The following GRK5 variants were observed in gnomAD, a reference collection of about 807,000 sequenced individuals.
GRK5 encodes G protein-coupled receptor kinase 5, also known as g protein-coupled receptor kinase GRK5.
A neutral mutation model predicts 78.4 loss-of-function variants in GRK5; 40 were observed. That is an observed-to-expected ratio of 0.51 (90% confidence interval 0.40 to 0.66). The LOEUF is 0.66. GRK5 is among the 30% of genes least tolerant of loss of function. The pLI, the probability that GRK5 is intolerant of heterozygous loss-of-function variation, is 0.00. For missense variants in GRK5, 598 were observed against 759.9 expected (o/e 0.79, Z 2.50); for synonymous variants, 289 against 296.8 (o/e 0.97, Z 0.27).
rs781095348 is a variant in GRK5, at chr10:119,207,883, C to CGCCG, written c.-28_-25dup. ...GCAGCACCCCAGGCGCTGACAGCCCCGCCGGCCGGCTCCGTTGCTGACCGC... is the reference window on the plus strand; with the variant it reads ...GCAGCACCCCAGGCGCTGACAGCCCCGCCGGCCGGCCGGCTCCGTTGCTGACCGC... On this transcript the variant is annotated 5_prime_UTR_variant, in exon 1 of 16. Coordinates refer to ENST00000392870, the MANE Select transcript of GRK5 (RefSeq NM_005308.3). 1.9e-6 allele frequency: 3 copies of CGCCG among 1,577,878 alleles called. No individual in the cohort carries two copies. In the South Asian group the frequency reaches 3.5e-5, roughly 18 times the overall value.
chr10:119,406,430 G>A (rs947558000), intron 4 of GRK5: 1 of 984,774 alleles, frequency 1.0e-6, no homozygotes, highest in Non-Finnish European at 1.2e-6. Flanking sequence ...GATCTCCAGG[G>A]CAACCAAGGG....
intron 1 of GRK5, among the ~76,000 whole-genome samples, chr10:119,304,997 C>A (rs982646273): frequency 5.3e-5 from 8 of 151,910 alleles, no homozygotes; most frequent in Admixed American, 6.6e-5. Flanking sequence ...TCTCCCACCC[C>A]CTCCCTTCTC....
At chr10:119,335,195 C>T (rs539056631) in intron 2 of GRK5, among the ~76,000 whole-genome samples, 1 of 120,854 alleles carries the variant, frequency 8.3e-6, no homozygotes, top group Non-Finnish European at 1.6e-5. Context: ...CCTCTCCCCC[C>T]ACCTCCTCTT....
chr10:119,313,448 G>A (rs908996135), intron 1 of GRK5, among the ~76,000 whole-genome samples: 24 of 152,140 alleles, frequency 1.6e-4, no homozygotes, highest in African/African-American at 5.8e-4. Context: ...ATCCTTAACA[G>A]AGCAATGCCA....
At chr10:119,444,170 A>C (rs1489790023) in intron 12 of GRK5, among the ~76,000 whole-genome samples, 1 of 151,994 alleles carries the variant, frequency 6.6e-6, no homozygotes, top group Non-Finnish European at 1.5e-5. Flanking sequence ...TGTTGGTTTA[A>C]GACGAAGGGC....
intron 1 of GRK5, among the ~76,000 whole-genome samples, chr10:119,227,755 A>G (rs78393813): frequency 0.011 from 1,607 of 152,320 alleles, 37 homozygotes; most frequent in African/African-American, 0.037. Context: ...TAAGATATAT[A>G]GAATCTTAGT....
chr10:119,212,727 C>CA (rs1848508188), intron 1 of GRK5: 1 of 152,176 alleles, frequency 6.6e-6, no homozygotes, highest in African/African-American at 2.4e-5. Flanking sequence ...ATAGGTCATG[C>CA]AACTCAGAGG....
chr10:119,294,857 C>T (rs1462288419), intron 1 of GRK5, among the ~76,000 whole-genome samples: 1 of 152,150 alleles, frequency 6.6e-6, no homozygotes, highest in Non-Finnish European at 1.5e-5. Flanking sequence ...ACCATGTGGT[C>T]TGCAAAGACA....
intron 1 of GRK5, among the ~76,000 whole-genome samples, chr10:119,226,502 G>A (rs900142485): frequency 6.7e-6 from 1 of 149,418 alleles, no homozygotes; most frequent in African/African-American, 2.5e-5. Context: ...TAGCTTTGTT[G>A]CTAACCTGCC....
intron 1 of GRK5, among the ~76,000 whole-genome samples, chr10:119,317,493 C>T (rs561973678): frequency 3.4e-4 from 52 of 152,148 alleles, no homozygotes; most frequent in Non-Finnish European, 5.4e-4. Context: ...GTCTCATTGG[C>T]CCGGACCCCT....
intron 1 of GRK5, among the ~76,000 whole-genome samples, chr10:119,312,731 A>G (rs944535016): frequency 3.3e-5 from 5 of 152,188 alleles, no homozygotes; most frequent in African/African-American, 9.7e-5. Flanking sequence ...ACCCCTGGCA[A>G]TGTCGGGACA....
At chr10:119,296,377 A>G (rs1850082149) in intron 1 of GRK5, among the ~76,000 whole-genome samples, 1 of 152,238 alleles carries the variant, frequency 6.6e-6, no homozygotes, top group Admixed American at 6.5e-5. Context: ...ACAAGTGAAT[A>G]TTTGGCTTTT....
intron 15 of GRK5, 118 bp downstream of exon 15, chr10:119,453,394 T>A: frequency 1.6e-6 from 2 of 1,216,398 alleles, no homozygotes; most frequent in Non-Finnish European, 1.2e-6. Flanking sequence ...TCTGGGGCAG[T>A]AGCAGCTTGG....
rs180786826 is a variant in GRK5, at chr10:119,346,500, C to T, written c.148+19889C>T. Among the ~76,000 whole-genome samples the T allele has an allele frequency of 5.3e-5, 8 of 152,318 alleles. No homozygotes were observed. In the East Asian group the frequency reaches 5.8e-4, roughly 11 times the overall value. On this transcript the variant is annotated intron_variant, in intron 2 of 15. Coordinates refer to ENST00000392870, the MANE Select transcript of GRK5 (RefSeq NM_005308.3). The stretch of plus-strand genomic sequence containing the variant: ...TTATAGAGATTAAATCCACTCATGC[C>T]GAAGCTGGCTTCCTGCTTGGGGGAT...
chr10:119,382,291 G>A (rs1021112838), intron 3 of GRK5, among the ~76,000 whole-genome samples: 20 of 143,538 alleles, frequency 1.4e-4, no homozygotes, highest in African/African-American at 4.5e-4. Context: ...AGTGATTACA[G>A]TAGTTTTCAA....
At chr10:119,450,159 G>A (rs1255595701) in intron 13 of GRK5, among the ~76,000 whole-genome samples, 2 of 152,340 alleles carry the variant, frequency 1.3e-5, no homozygotes, top group South Asian at 2.1e-4. Context: ...TGAACATCAC[G>A]GTTGTGCCAT....
chr10:119,389,301 G>C (rs1258889369), intron 3 of GRK5, among the ~76,000 whole-genome samples: 1 of 152,198 alleles, frequency 6.6e-6, no homozygotes, highest in East Asian at 1.9e-4. Flanking sequence ...TGCCTCACTG[G>C]GGGCTAAGTA....
chr10:119,227,771 A>C (rs1848764214), intron 1 of GRK5, among the ~76,000 whole-genome samples: 1 of 152,230 alleles, frequency 6.6e-6, no homozygotes, highest in African/African-American at 2.4e-5. Context: ...TTAGTTTGGC[A>C]ATAATTTAAA....
chr10:119,243,377 A>G (rs1415187174), intron 1 of GRK5, among the ~76,000 whole-genome samples: 1 of 152,196 alleles, frequency 6.6e-6, no homozygotes, highest in Non-Finnish European at 1.5e-5. Context: ...AAAATAATAT[A>G]TAAACTCATA....
Sources: allele counts gnomAD v4.1 joint callset (sites outside exome capture counted in the v4.1 genomes callset), GRCh38; gene constraint gnomAD v4.1.1; transcripts MANE v1.5; gene names NCBI Gene and HGNC (gene_info 2026-07-23, HGNC 2026-07-21).